Variants in SLC30A8 observed in about 807,000 individuals in gnomAD.
SLC30A8 encodes solute carrier family 30 member 8.
SLC30A8 carries 27 observed loss-of-function variants against 36.9 expected under a neutral mutation model. The observed-to-expected ratio is 0.73, with a 90% CI of 0.54 to 1.01. The LOEUF (loss-of-function observed/expected upper bound fraction) is 1.01. Ranked by LOEUF, SLC30A8 falls within the 50% of genes least tolerant of loss-of-function variation. SLC30A8 has a pLI of 0.00. For missense variants in SLC30A8, 439 were observed against 452.0 expected (o/e 0.97, Z 0.26); for synonymous variants, 164 against 172.4 (o/e 0.95, Z 0.38).
At chr8:117,134,804 A>G (rs557959294), upstream of SLC30A8, 1 of 152,180 alleles carries the variant, frequency 6.6e-6, no homozygotes, top group South Asian at 2.1e-4. Context: ...AGAGACAAGT[A>G]AATTCTGACA....
chr8:117,004,198 TTCTCATTTTCATTCTTCCAGACA>T (rs1484314466), intron 1 of SLC30A8, among the ~76,000 whole-genome samples: 2 of 152,216 alleles, frequency 1.3e-5, no homozygotes, highest in Non-Finnish European at 2.9e-5. Context: ...TCTGCACATG[TTCTCATTTTCATTCTTCCAGACA>T]TCTCATCCTG....
At chr8:116,993,297 C>T (rs1463638970) in intron 1 of SLC30A8, among the ~76,000 whole-genome samples, 2 of 152,008 alleles carry the variant, frequency 1.3e-5, no homozygotes, top group African/African-American at 2.4e-5. Flanking sequence ...ATAGGAAGTC[C>T]ACATTTTAGG....
chr8:117,051,828 A>T (rs1347414299), intron 2 of SLC30A8, among the ~76,000 whole-genome samples: 3 of 150,446 alleles, frequency 2.0e-5, no homozygotes, highest in Non-Finnish European at 3.0e-5. Context: ...AAAAAAAAAT[A>T]AAAAAAATAA....
rs1554591090 is a variant in SLC30A8, at chr8:117,153,723, G to GGTGGGT, written c.418+636_418+637insGGTGTG. Among the ~76,000 whole-genome samples the GGTGGGT allele has an allele frequency of 1.7e-3, 256 of 147,006 alleles. 1 individual carries two copies. Among genetic ancestry groups the GGTGGGT allele is most frequent in the African/African-American group, 6.2e-3 (248 of 40,084 alleles). On this transcript the variant is annotated intron_variant, in intron 3 of 7. Coordinates refer to ENST00000456015, the MANE Select transcript of SLC30A8 (RefSeq NM_173851.3). Reference sequence around the variant, plus strand: ...GGCAGTAGCCAAGGTCATGATAAGGGGTGTGTGTGTGTGTGTGTGTGTGTG... The same window carrying GGTGGGT: ...GGCAGTAGCCAAGGTCATGATAAGGGGTGGGTGTGTGTGTGTGTGTGTGTGTGTGTG...
intron 1 of SLC30A8, among the ~76,000 whole-genome samples, chr8:117,015,295 A>G (rs1382959386): frequency 6.6e-6 from 1 of 152,138 alleles, no homozygotes; most frequent in Non-Finnish European, 1.5e-5. Context: ...GTCACCTTAC[A>G]ATGAAACTTA....
intron 1 of SLC30A8, among the ~76,000 whole-genome samples, chr8:116,976,713 G>A (rs1815024437): frequency 6.6e-6 from 1 of 152,032 alleles, no homozygotes; most frequent in South Asian, 2.1e-4. Flanking sequence ...CTGTTCCTCT[G>A]CTGGGGTAGG....
intron 1 of SLC30A8, among the ~76,000 whole-genome samples, chr8:116,966,349 C>T (rs952358575): frequency 2.0e-5 from 3 of 152,092 alleles, no homozygotes; most frequent in Admixed American, 6.6e-5. Flanking sequence ...TTGGCATATG[C>T]GACCCGTAGA....
intron 2 of SLC30A8, among the ~76,000 whole-genome samples, chr8:117,087,422 G>T (rs1015188470): frequency 6.6e-6 from 1 of 152,160 alleles, no homozygotes; most frequent in Non-Finnish European, 1.5e-5. Context: ...GCCTTCATCT[G>T]AGGTGGCTCA....
rs139489847 is a variant in SLC30A8 at position 117,171,090 on chromosome 8, G to A, written c.886G>A (p.Gly296Arg). ...GAAAGAGCTTATTTTAGCAGTCGAC[G>A]GGGTGCTGTCTGTGCACAGCCTGCA... is the stretch of plus-strand genomic sequence containing the variant. The part of the protein sequence containing the change: ...GVKELILAVD[G>R]VLSVHSLHIW... Residue 296 changes from glycine to arginine, a missense_variant, in exon 7 of 8, where the codon GGG becomes AGG. Physicochemically the swap from Gly to Arg is moderately radical, Grantham distance 125. Transcript: ENST00000456015. 106 of 1,612,240 alleles carry A rather than the reference G, an allele frequency of 6.6e-5. No individual in the cohort carries two copies. Among genetic ancestry groups the A allele is most frequent in the East Asian group, 2.9e-4 (13 of 44,834 alleles).
chr8:116,989,692 G>A (rs1586367561), intron 1 of SLC30A8, among the ~76,000 whole-genome samples: 1 of 152,164 alleles, frequency 6.6e-6, no homozygotes, highest in Non-Finnish European at 1.5e-5. Context: ...AGTAGGACAC[G>A]AAGTTGTATA....
intron 1 of SLC30A8, among the ~76,000 whole-genome samples, chr8:117,037,089 C>G (rs1817237916): frequency 6.6e-6 from 1 of 152,004 alleles, no homozygotes; most frequent in Non-Finnish European, 1.5e-5. Flanking sequence ...ATTTTCTTGG[C>G]ATCATGAAAA....
chr8:117,160,446 T>TGTGTGTGTGTGTGCGC (rs150458118), intron 4 of SLC30A8, among the ~76,000 whole-genome samples: 6 of 144,516 alleles, frequency 4.2e-5, no homozygotes, highest in Admixed American at 1.4e-4. Context: ...CGCGCACATG[T>TGTGTGTGTGTGTGCGC]GCGCGCGGTG....
At chr8:117,062,078 G>C (rs974760591) in intron 2 of SLC30A8, among the ~76,000 whole-genome samples, 8 of 152,266 alleles carry the variant, frequency 5.3e-5, no homozygotes, top group African/African-American at 1.9e-4. Flanking sequence ...TATAAAGCAG[G>C]GGATAGACTT....
At chr8:116,966,439 G>A (rs183854242) in intron 1 of SLC30A8, among the ~76,000 whole-genome samples, 2 of 151,996 alleles carry the variant, frequency 1.3e-5, no homozygotes, top group Admixed American at 6.5e-5. Context: ...GCATTCCTAA[G>A]TTCACCCAGC....
chr8:116,990,761 A>G (rs1213608797), intron 1 of SLC30A8, among the ~76,000 whole-genome samples: 1 of 152,224 alleles, frequency 6.6e-6, no homozygotes, highest in African/African-American at 2.4e-5. Flanking sequence ...ATGATAATGT[A>G]AGATGTTAAC....
At chr8:117,041,154 G>C (rs1015245737) in intron 2 of SLC30A8, among the ~76,000 whole-genome samples, 3 of 152,160 alleles carry the variant, frequency 2.0e-5, no homozygotes, top group African/African-American at 7.2e-5. Flanking sequence ...AGCTTCTTCT[G>C]AGGCTTCCAA....
intron 1 of SLC30A8, among the ~76,000 whole-genome samples, chr8:116,984,993 A>G (rs1303306133): frequency 6.6e-6 from 1 of 152,068 alleles, no homozygotes; most frequent in Non-Finnish European, 1.5e-5. Flanking sequence ...TAAAATTACA[A>G]GGTTCAATTT....
intron 1 of SLC30A8, among the ~76,000 whole-genome samples, chr8:116,955,726 AAAAAAAAAAT>A (rs1814171325): frequency 1.3e-5 from 2 of 151,808 alleles, no homozygotes; most frequent in South Asian, 2.1e-4. Flanking sequence ...CTGTCTCAAA[AAAAAAAAAAT>A]AAAAAAAAAG....
At chr8:117,068,106 T>G (rs1818222492) in intron 2 of SLC30A8, among the ~76,000 whole-genome samples, 1 of 152,210 alleles carries the variant, frequency 6.6e-6, no homozygotes, top group South Asian at 2.1e-4. Context: ...TATGCATTGA[T>G]GAAAGAAGTT....
Sources: allele counts gnomAD v4.1 joint callset (sites outside exome capture counted in the v4.1 genomes callset), GRCh38; gene constraint gnomAD v4.1.1; transcripts MANE v1.5; gene names NCBI Gene and HGNC (gene_info 2026-07-23, HGNC 2026-07-21).